The following XKR4 variants were observed in gnomAD, a reference collection of about 807,000 sequenced individuals.
The protein encoded by XKR4 is XK-related protein 4.
In XKR4, 12 loss-of-function variants were observed where a neutral mutation model predicts 53.9. The observed-to-expected ratio is 0.22, with a 90% CI of 0.14 to 0.36. XKR4 has a LOEUF of 0.36. XKR4 is among the 10% of genes least tolerant of loss of function. XKR4 has a pLI of 1.00. For missense variants in XKR4, 799 were observed against 859.5 expected (o/e 0.93, Z 0.88); for synonymous variants, 354 against 362.4 (o/e 0.98, Z 0.26).
At chr8:55,258,098 C>T (rs973825087) in intron 1 of XKR4, among the ~76,000 whole-genome samples, 1 of 152,186 alleles carries the variant, frequency 6.6e-6, no homozygotes, top group Non-Finnish European at 1.5e-5. Flanking sequence ...AACAGGGTAC[C>T]TATGACTGGT....
intron 1 of XKR4, among the ~76,000 whole-genome samples, chr8:55,192,839 GC>G (rs1224996509): frequency 1.3e-5 from 2 of 152,154 alleles, no homozygotes; most frequent in Admixed American, 1.3e-4. Flanking sequence ...GTGAGGCTGG[GC>G]CTTTATGGGA....
chr8:55,107,381 A>G (rs190455455), intron 1 of XKR4, among the ~76,000 whole-genome samples: 55 of 152,278 alleles, frequency 3.6e-4, no homozygotes, highest in Non-Finnish European at 5.0e-4. Context: ...AACTTGGATA[A>G]TGATGACAAC....
intron 1 of XKR4, among the ~76,000 whole-genome samples, chr8:55,276,633 A>G (rs1448905190): frequency 6.6e-6 from 1 of 152,242 alleles, no homozygotes; most frequent in East Asian, 1.9e-4. Context: ...AATTTCTGAG[A>G]ATCCTGCTAT....
chr8:55,475,713 C>T lies in XKR4; in HGVS notation c.1007-47568C>T, dbSNP rs892930346. ...CCACCTCCCACGTTCAAACAGTTCTCTACCTCAGCCTCCCAAGTAGCTGGG... is the reference window on the plus strand; with the variant it reads ...CCACCTCCCACGTTCAAACAGTTCTTTACCTCAGCCTCCCAAGTAGCTGGG... On this transcript the variant is annotated intron_variant, in intron 2 of 2. Coordinates refer to ENST00000327381, the MANE Select transcript of XKR4 (RefSeq NM_052898.2). Among the ~76,000 whole-genome samples the T allele has an allele frequency of 5.9e-4, 89 of 151,910 alleles. 1 individual carries two copies. The highest frequency in any genetic ancestry group is 7.5e-4 in the Non-Finnish European group (51 of 68,008).
chr8:55,490,284 G>T (rs570955304), intron 2 of XKR4, among the ~76,000 whole-genome samples: 5 of 152,134 alleles, frequency 3.3e-5, no homozygotes, highest in Non-Finnish European at 7.4e-5. Flanking sequence ...TCTTTGCAGC[G>T]ACATGGATGC....
intron 2 of XKR4, chr8:55,453,527 C>T (rs1805495149): frequency 5.2e-6 from 2 of 382,036 alleles, no homozygotes; most frequent in Non-Finnish European, 1.0e-5. Context: ...CAGCCTGCTG[C>T]ACCCATCCAG....
intron 2 of XKR4, among the ~76,000 whole-genome samples, chr8:55,522,271 A>G (rs1009301055): frequency 2.0e-5 from 3 of 152,244 alleles, no homozygotes; most frequent in Non-Finnish European, 2.9e-5. Context: ...CAATAAAATG[A>G]TAAAATAAGA....
chr8:55,387,540 A>G (rs966606121), intron 2 of XKR4, among the ~76,000 whole-genome samples: 1 of 152,200 alleles, frequency 6.6e-6, no homozygotes, highest in Non-Finnish European at 1.5e-5. Context: ...TTCTCCCACA[A>G]TGACTCCCCT....
chr8:55,495,617 C>T (rs1028430979), intron 2 of XKR4, among the ~76,000 whole-genome samples: 2 of 151,106 alleles, frequency 1.3e-5, no homozygotes, highest in Admixed American at 1.3e-4. Context: ...TTGTCTCCTT[C>T]CCCCCCAGGC....
At chr8:55,171,872 C>T (rs576404551) in intron 1 of XKR4, among the ~76,000 whole-genome samples, 1 of 152,262 alleles carries the variant, frequency 6.6e-6, no homozygotes, top group Admixed American at 6.5e-5. Flanking sequence ...GCACTATGGC[C>T]ACTGCTTCCC....
intron 2 of XKR4, among the ~76,000 whole-genome samples, chr8:55,410,578 C>G (rs905741624): frequency 6.6e-6 from 1 of 152,132 alleles, no homozygotes; most frequent in African/African-American, 2.4e-5. Flanking sequence ...TCACATTCAT[C>G]CCCCTGTACA....
intron 2 of XKR4, among the ~76,000 whole-genome samples, chr8:55,477,618 A>G (rs2129400786): frequency 6.6e-6 from 1 of 152,300 alleles, no homozygotes; most frequent in Admixed American, 6.5e-5. Flanking sequence ...GAGCTACAGG[A>G]GGAAATTCAA....
chr8:55,261,897 T>C, intron 1 of XKR4, among the ~76,000 whole-genome samples: 1 of 151,952 alleles, frequency 6.6e-6, no homozygotes, highest in East Asian at 1.9e-4. Context: ...TAAAAAAAAG[T>C]ATATTCATAT....
At chr8:55,194,318 G>A (rs1817479017) in intron 1 of XKR4, among the ~76,000 whole-genome samples, 1 of 152,122 alleles carries the variant, frequency 6.6e-6, no homozygotes, top group South Asian at 2.1e-4. Context: ...GACTGGCCAG[G>A]CCTCCCTCTC....
At chr8:55,447,663 C>A (rs1357572147) in intron 2 of XKR4, among the ~76,000 whole-genome samples, 1 of 152,188 alleles carries the variant, frequency 6.6e-6, no homozygotes, top group East Asian at 1.9e-4. Flanking sequence ...CCTCCCTTCA[C>A]AGAAAAGAAA....
intron 1 of XKR4, among the ~76,000 whole-genome samples, chr8:55,125,308 G>A (rs1160289896): frequency 1.5e-5 from 2 of 135,030 alleles, no homozygotes; most frequent in African/African-American, 5.7e-5. Context: ...TCAGCTCACC[G>A]CAAACTCCGC....
chr8:55,374,567 AAG>A (rs1804119696), intron 2 of XKR4, among the ~76,000 whole-genome samples: 1 of 152,242 alleles, frequency 6.6e-6, no homozygotes, highest in Admixed American at 6.5e-5. Context: ...ATAGTGGAGA[AAG>A]AGCCAGAGAA....
At chr8:55,143,487 C>G (rs1301680130) in intron 1 of XKR4, among the ~76,000 whole-genome samples, 5 of 152,160 alleles carry the variant, frequency 3.3e-5, no homozygotes, top group Non-Finnish European at 5.9e-5. Flanking sequence ...TATCTAACTT[C>G]TGATAAAATT....
At chr8:55,276,434 A>G (rs141869695) in intron 1 of XKR4, among the ~76,000 whole-genome samples, 48 of 152,248 alleles carry the variant, frequency 3.2e-4, no homozygotes, top group Non-Finnish European at 8.8e-5. Flanking sequence ...ATACAACAAT[A>G]GCGATAACCA....
Sources: allele counts gnomAD v4.1 joint callset (sites outside exome capture counted in the v4.1 genomes callset), GRCh38; gene constraint gnomAD v4.1.1; transcripts MANE v1.5; gene names NCBI Gene and HGNC (gene_info 2026-07-23, HGNC 2026-07-21).